The following SHROOM3 variants were observed in gnomAD, a reference collection of about 807,000 sequenced individuals.
The protein encoded by SHROOM3 is protein Shroom3.
In SHROOM3, 47 loss-of-function variants were observed where a neutral mutation model predicts 138.6. The observed-to-expected ratio is 0.34, with a 90% confidence interval of 0.27 to 0.43. The LOEUF (loss-of-function observed/expected upper bound fraction) is 0.43, where lower values mean the gene tolerates loss of function less well. SHROOM3 is among the 20% of genes least tolerant of loss of function. The probability of loss-of-function intolerance (pLI) is 1.00; values close to 1 mark genes in which losing one functional copy is unlikely to be tolerated. For missense variants in SHROOM3, 2,491 were observed against 2,596.5 expected, an observed-to-expected ratio of 0.96 and a Z score of 0.88; for synonymous variants, 1,062 against 1,063.3, an observed-to-expected ratio of 1.00 and a Z score of 0.02.
intron 6 of SHROOM3, among the ~76,000 whole-genome samples, chr4:76,752,542 T>G (rs1050007759): frequency 6.6e-6 from 1 of 152,116 alleles, no homozygotes. Context: ...TCTTGAATAG[T>G]AGGATTCCTG....
At chr4:76,593,598 C>T (rs1734320880) in intron 2 of SHROOM3, among the ~76,000 whole-genome samples, 1 of 152,178 alleles carries the variant, frequency 6.6e-6, no homozygotes, top group Non-Finnish European at 1.5e-5. Context: ...ATCTTTATGG[C>T]ATTCCTCTAA....
At position 76,779,369 on chromosome 4, in the gene SHROOM3, G is replaced by A. The variant is rs1311630616; in HGVS notation, c.*192G>A. 2.0e-5 allele frequency: 13 copies of A among 656,688 alleles called. No homozygotes were observed. Among genetic ancestry groups the A allele is most frequent in the East Asian group, 5.7e-5 (2 of 35,356 alleles). 40.7% of individuals were successfully genotyped at this position (656,688 alleles called of 1,614,324 possible). A position where few individuals can be genotyped will look rare whatever the true frequency, so the allele number is the denominator to read the frequency against. ...TTCCTGATTGATCTTCTGAGAGCTCGAATGCTGCTGGACACGTACCCCTTT... is the reference window on the plus strand; with the variant it reads ...TTCCTGATTGATCTTCTGAGAGCTCAAATGCTGCTGGACACGTACCCCTTT... On this transcript the variant is annotated 3_prime_UTR_variant, in exon 11 of 11. Transcript: ENST00000296043.
In SHROOM3 at chr4:76,574,663, A is replaced by G. The variant is rs192744368; in HGVS notation, c.323+18900A>G. ...CCTTAAAAGCAAAGGAAATTCTGAT[A>G]TATGCTACAACATGGATGAACCCTA... On this transcript the variant is annotated intron_variant, in intron 2 of 10. Transcript: ENST00000296043. Among the ~76,000 whole-genome samples the G allele has an allele frequency of 1.2e-4, 18 of 152,370 alleles. No individual in the cohort carries two copies. In the East Asian group the frequency reaches 2.7e-3, roughly 23 times the overall value.
intron 6 of SHROOM3, among the ~76,000 whole-genome samples, chr4:76,753,056 G>A (rs746768819): frequency 6.6e-6 from 1 of 152,150 alleles, no homozygotes; most frequent in African/African-American, 2.4e-5. Flanking sequence ...GCAGGTACTG[G>A]GGATGCCAGG....
intron 2 of SHROOM3, among the ~76,000 whole-genome samples, chr4:76,589,715 C>G (rs1002415348): frequency 2.0e-5 from 3 of 152,218 alleles, no homozygotes; most frequent in African/African-American, 7.2e-5. Flanking sequence ...CATCAGCCCT[C>G]CAGGGGCGGG....
chr4:76,638,393 A>C (rs541986963), intron 2 of SHROOM3, among the ~76,000 whole-genome samples: 8 of 152,276 alleles, frequency 5.3e-5, no homozygotes, highest in Non-Finnish European at 8.8e-5. Flanking sequence ...GTTTCAACAA[A>C]AAAAAAATCA....
intron 10 of SHROOM3, among the ~76,000 whole-genome samples, chr4:76,776,516 G>C (rs1722576701): frequency 6.6e-6 from 1 of 152,054 alleles, no homozygotes; most frequent in Non-Finnish European, 1.5e-5. Flanking sequence ...TGAACTCTTT[G>C]CCGAAGCCAA....
chr4:76,455,072 A>G (rs1162831391), intron 1 of SHROOM3, among the ~76,000 whole-genome samples: 2 of 152,158 alleles, frequency 1.3e-5, no homozygotes, highest in Non-Finnish European at 2.9e-5. Flanking sequence ...GTTTCTACAT[A>G]TAAAATAATG....
At chr4:76,712,306 G>A (rs1720251761) in intron 3 of SHROOM3, among the ~76,000 whole-genome samples, 1 of 152,164 alleles carries the variant, frequency 6.6e-6, no homozygotes, top group African/African-American at 2.4e-5. Context: ...AAACTAAAGA[G>A]TGACTGCTGA....
At chr4:76,688,592 A>G in intron 2 of SHROOM3, 1 of 985,420 alleles carries the variant, frequency 1.0e-6, no homozygotes. Context: ...TCTGAGGGGA[A>G]AAAATTCCTA....
chr4:76,754,330 A>G lies in SHROOM3; in HGVS notation c.3847A>G (p.Arg1283Gly). ...PGSRSLSCSE[R>G]GQEEMLPLFH... ...TTCCAGGTCACTCAGTTGTTCAGAA[A>G]GAGGCCAAGAAGAGATGCTGCCGCT... The change falls in exon 7 of 11, where the codon AGA becomes GGA. Residue 1283 changes from arginine (R) to glycine (G), a missense_variant. Transcript: ENST00000296043. 6.2e-7 allele frequency: 1 copy of G among 1,614,120 alleles called. No homozygotes were observed. Among genetic ancestry groups the G allele is most frequent in the Non-Finnish European group, 8.5e-7 (1 of 1,180,030 alleles).
intron 1 of SHROOM3, among the ~76,000 whole-genome samples, chr4:76,454,124 A>G (rs181080278): frequency 2.6e-5 from 4 of 151,830 alleles, no homozygotes; most frequent in Admixed American, 1.3e-4. Context: ...GCTCACTGCA[A>G]CCTCCGCCTC....
At chr4:76,634,223 GT>G (rs1735426245) in intron 2 of SHROOM3, among the ~76,000 whole-genome samples, 1 of 152,100 alleles carries the variant, frequency 6.6e-6, no homozygotes, top group South Asian at 2.1e-4. Flanking sequence ...TGCCTTTATT[GT>G]TTTTAAGTGC....
chr4:76,543,070 G>A (rs1733139989), intron 1 of SHROOM3, among the ~76,000 whole-genome samples: 2 of 152,138 alleles, frequency 1.3e-5, no homozygotes, highest in South Asian at 4.1e-4. Flanking sequence ...TGAATCCCTG[G>A]GACCATGGCA....
chr4:76,727,957 C>A (rs1388869265), intron 3 of SHROOM3, among the ~76,000 whole-genome samples: 1 of 150,878 alleles, frequency 6.6e-6, no homozygotes, highest in African/African-American at 2.4e-5. Context: ...AGTTTGAGAC[C>A]AGCCTGGCTG....
chr4:76,593,826 T>G (rs1734326018), intron 2 of SHROOM3, among the ~76,000 whole-genome samples: 5 of 152,150 alleles, frequency 3.3e-5, no homozygotes, highest in Admixed American at 2.0e-4. Context: ...GGAGTCATTT[T>G]CTTGCAGTGT....
At position 76,752,168 on chromosome 4, in the gene SHROOM3, A is replaced by G. The variant is rs532339413; in HGVS notation, c.3828-2143A>G. ...AGGAAATTCTGCCACATGCTTCAAC[A>G]TGACATTACGTGAAGTGAAATATAA... On this transcript the variant is annotated intron_variant, in intron 6 of 10. Coordinates refer to ENST00000296043, the MANE Select transcript of SHROOM3 (RefSeq NM_020859.4). 2.3e-3 allele frequency among the ~76,000 whole-genome samples: 348 copies of G among 152,382 alleles called. 1 individual carries two copies. The highest frequency in any genetic ancestry group is 8.2e-3 in the African/African-American group (341 of 41,596).
chr4:76,599,760 G>C (rs1052379014), intron 2 of SHROOM3, among the ~76,000 whole-genome samples: 1 of 152,194 alleles, frequency 6.6e-6, no homozygotes, highest in Admixed American at 6.5e-5. Flanking sequence ...GAGCTGTTAC[G>C]AGGGTTAAGG....
intron 9 of SHROOM3, among the ~76,000 whole-genome samples, chr4:76,766,137 A>G (rs1301103055): frequency 6.6e-6 from 1 of 152,224 alleles, no homozygotes; most frequent in Non-Finnish European, 1.5e-5. Flanking sequence ...CACTTTCCTC[A>G]TCGGTAAACG....
Sources: gnomAD v4.1 joint callset for allele counts (sites outside exome capture counted in the v4.1 genomes callset) on GRCh38, gnomAD v4.1.1 for gene constraint, MANE v1.5 for transcripts, NCBI Gene and HGNC (gene_info 2026-07-23, HGNC 2026-07-21) for gene names.